PREX2: variants seen among roughly 807,000 people sequenced by gnomAD.
PREX2 encodes phosphatidylinositol 3,4,5-trisphosphate-dependent Rac exchanger 2 protein.
In PREX2, 107 loss-of-function variants were observed where a neutral mutation model predicts 203.2. That is an observed-to-expected ratio of 0.53 (90% CI 0.45 to 0.62). The LOEUF (loss-of-function observed/expected upper bound fraction) is 0.62. PREX2 is among the 20% of genes least tolerant of loss of function. The probability of loss-of-function intolerance (pLI) is 0.00; values close to 1 mark genes in which losing one functional copy is unlikely to be tolerated. For missense variants in PREX2, 1,777 were observed against 1,955.9 expected (o/e 0.91, Z 1.72); for synonymous variants, 672 against 663.6 (o/e 1.01, Z -0.19).
intron 37 of PREX2, among the ~76,000 whole-genome samples, chr8:68,201,813 T>G (rs573684855): frequency 6.6e-6 from 1 of 151,902 alleles, no homozygotes; most frequent in Non-Finnish European, 1.5e-5. Flanking sequence ...ATGTTGATCG[T>G]AAACTGGCAC....
intron 3 of PREX2, 118 bp from the exon 4 acceptor site, chr8:68,021,918 G>T (rs146492504): frequency 1.6e-6 from 1 of 606,198 alleles, no homozygotes; most frequent in Non-Finnish European, 3.0e-6. Context: ...CTGTATACAC[G>T]CAGTATAGCT....
At chr8:68,010,721 A>G (rs1479921109) in intron 1 of PREX2, among the ~76,000 whole-genome samples, 2 of 152,196 alleles carry the variant, frequency 1.3e-5, no homozygotes, top group Non-Finnish European at 2.9e-5. Flanking sequence ...CTCCACCCTG[A>G]GGAGACATCC....
In PREX2 at chr8:68,202,319, G is replaced by A. The variant is rs76040142; in HGVS notation, c.4604+9794G>A. The stretch of plus-strand genomic sequence containing the variant: ...TCTTGCTGGGTGGTCAAGTGAGAGC[G>A]AAGCAGCGCTGAGAGGAAAGGGTAG... On this transcript the variant is annotated intron_variant, in intron 37 of 39. Coordinates refer to ENST00000288368, the MANE Select transcript of PREX2 (RefSeq NM_024870.4). Among the ~76,000 whole-genome samples, 39 of 152,290 alleles carry A rather than the reference G, an allele frequency of 2.6e-4. No homozygotes were observed. In the East Asian group the frequency reaches 6.8e-3, roughly 26 times the overall value.
intron 1 of PREX2, among the ~76,000 whole-genome samples, chr8:67,961,828 C>A (rs982058340): frequency 4.6e-5 from 7 of 152,102 alleles, no homozygotes; most frequent in Non-Finnish European, 4.4e-5. Context: ...GCATAGTGTA[C>A]AAAAAGGGAT....
intron 35 of PREX2, among the ~76,000 whole-genome samples, chr8:68,174,203 A>T (rs1563574993): frequency 6.6e-6 from 1 of 152,200 alleles, no homozygotes; most frequent in Non-Finnish European, 1.5e-5. Context: ...TCAAAGCTTT[A>T]TCCCTGCACC....
intron 34 of PREX2, among the ~76,000 whole-genome samples, chr8:68,146,863 T>C (rs1323201619): frequency 1.3e-5 from 2 of 152,198 alleles, no homozygotes; most frequent in Non-Finnish European, 2.9e-5. Flanking sequence ...AAAATATATA[T>C]TCCTTTGTCA....
intron 1 of PREX2, among the ~76,000 whole-genome samples, chr8:67,987,152 CAAAAAAAAAAAAAAAAAAA>C (rs57315665): frequency 1.8e-5 from 1 of 55,108 alleles, no homozygotes; most frequent in African/African-American, 7.0e-5. Context: ...GACTTCATCT[CAAAAAAAAAAAAAAAAAAA>C]AAAAAAAGAA....
chr8:68,115,021 C>CTTT (rs5892137), intron 25 of PREX2, among the ~76,000 whole-genome samples: 114 of 86,786 alleles, frequency 1.3e-3, no homozygotes, highest in African/African-American at 2.6e-3. Context: ...TCTTTTCTTT[C>CTTT]TTTTTTTTTT....
Position 68,233,823 on chromosome 8 carries a change from T to A in PREX2, c.*2445T>A, listed in dbSNP as rs953121448. ...AAATTTGAACCCAGGAAGTCTGCCT[T>A]CTTAATGCATTATGCTACTTTTCCT... On this transcript the variant is annotated 3_prime_UTR_variant, in exon 40 of 40. Transcript: ENST00000288368. 6.6e-6 allele frequency: 1 copy of A among 152,188 alleles called. No individual in the cohort carries two copies. The highest frequency in any genetic ancestry group is 2.4e-5 in the African/African-American group (1 of 41,452). 9.4% of individuals were successfully genotyped at this position (152,188 alleles called of 1,614,324 possible).
intron 6 of PREX2, among the ~76,000 whole-genome samples, chr8:68,032,542 C>T (rs1704175626): frequency 6.6e-6 from 1 of 152,136 alleles, no homozygotes. Context: ...ATAAGAACCC[C>T]ATTGCCTGTC....
chr8:68,050,648 A>C (rs1431237103), intron 8 of PREX2, among the ~76,000 whole-genome samples: 1 of 152,170 alleles, frequency 6.6e-6, no homozygotes. Flanking sequence ...GTTTCTGTAC[A>C]TTGAAACAAT....
chr8:68,230,899 A>G (rs1464210388), intron 39 of PREX2, among the ~76,000 whole-genome samples: 1 of 152,180 alleles, frequency 6.6e-6, no homozygotes, highest in Non-Finnish European at 1.5e-5. Context: ...AAAATGAAGC[A>G]CATTTCTAAA....
intron 1 of PREX2, among the ~76,000 whole-genome samples, chr8:67,986,411 C>T (rs928507452): frequency 1.7e-4 from 26 of 151,918 alleles, no homozygotes; most frequent in African/African-American, 3.6e-4. Flanking sequence ...ATGCCGGGAG[C>T]GTAGGGCTGC....
rs111476269 is a variant in PREX2, at chr8:68,030,666, C to T, written c.705+8C>T. ...CACATTGAAGGCTGGGAGGTACATT[C>T]ACTTTGCTTGACAATCGAGCTTAAG... On this transcript the variant is annotated splice_region_variant and intron_variant, in intron 6 of 39. Coordinates refer to ENST00000288368, the MANE Select transcript of PREX2 (RefSeq NM_024870.4). 5.5e-4 allele frequency: 886 copies of T among 1,613,026 alleles called. 4 individuals are homozygous for T. The African/African-American group carries it at 8.0e-3, about 15-fold the overall frequency.
At chr8:67,966,015 T>C (rs764272042) in intron 1 of PREX2, among the ~76,000 whole-genome samples, 39 of 152,300 alleles carry the variant, frequency 2.6e-4, no homozygotes, top group Non-Finnish European at 4.6e-4. Context: ...TTCTTTGTGA[T>C]TTAAGATTTT....
intron 1 of PREX2, 105 bp downstream of exon 1, chr8:67,952,640 G>C (rs115107715): frequency 6.8e-7 from 1 of 1,471,808 alleles, no homozygotes; most frequent in Non-Finnish European, 9.3e-7. Flanking sequence ...GGGGACCCGG[G>C]ACGGGTCGGG....
At chr8:68,220,222 T>C (rs1291395293) in intron 38 of PREX2, 1 of 152,130 alleles carries the variant, frequency 6.6e-6, no homozygotes, top group Non-Finnish European at 1.5e-5. Flanking sequence ...AATTCACTGC[T>C]TGAGTTTGAA....
chr8:68,066,088 A>T lies in PREX2; in HGVS notation c.1340-2945A>T, dbSNP rs377394775. On this transcript the variant is annotated intron_variant, in intron 11 of 39. Coordinates refer to ENST00000288368, the MANE Select transcript of PREX2 (RefSeq NM_024870.4). ...TTAGCAATTTTCAAGTATGGAATAC[A>T]TTATATCATATTTTCTGTACCTATC... is the stretch of plus-strand genomic sequence containing the variant. 7.5e-4 allele frequency among the ~76,000 whole-genome samples: 114 copies of T among 152,274 alleles called. 1 individual carries two copies. The South Asian group carries it at 0.023, about 30-fold the overall frequency.
chr8:68,113,410 T>C (rs1810574861), intron 25 of PREX2, among the ~76,000 whole-genome samples: 1 of 152,248 alleles, frequency 6.6e-6, no homozygotes, highest in Non-Finnish European at 1.5e-5. Flanking sequence ...TTCATCTGTC[T>C]GTGCAGCATG....
Sources: gnomAD v4.1 joint callset for allele counts (sites outside exome capture counted in the v4.1 genomes callset) on GRCh38, gnomAD v4.1.1 for gene constraint, MANE v1.5 for transcripts, NCBI Gene and HGNC (gene_info 2026-07-23, HGNC 2026-07-21) for gene names.